Variants in NUP93 observed in about 807,000 individuals in gnomAD.
NUP93 encodes nucleoporin 93.
A neutral mutation model predicts 107.8 loss-of-function variants in NUP93; 55 were observed. The ratio of observed to expected loss-of-function variants is 0.51; its 90% CI spans 0.41 to 0.64. The LOEUF is 0.64. Among genes scored for constraint, NUP93 ranks in the 30% least tolerant of loss-of-function variants. NUP93 has a pLI of 0.00. For synonymous variants in NUP93, 390 were observed against 397.5 expected, an observed-to-expected ratio of 0.98 and a Z score of 0.22; for missense variants, 937 against 1,044.7, an observed-to-expected ratio of 0.90 and a Z score of 1.42.
intron 7 of NUP93, 37 bp downstream of exon 7, chr16:56,821,630 C>G (rs772979263): frequency 7.6e-6 from 11 of 1,445,730 alleles, no homozygotes; most frequent in East Asian, 2.3e-5. Flanking sequence ...AAACCGGGGT[C>G]CAGTGTTCCG....
Position 56,837,618 on chromosome 16 carries a change from A to G in NUP93, c.1910A>G (p.Lys637Arg). 6.2e-7 allele frequency: 1 copy of G among 1,613,700 alleles called. No homozygotes were observed. Among genetic ancestry groups the G allele is most frequent in the Non-Finnish European group, 8.5e-7 (1 of 1,179,598 alleles). Residue 637 changes from lysine (K) to arginine (R), a missense_variant, in exon 18 of 22, where the codon AAG becomes AGG. By Grantham distance (26) the Lys-to-Arg change is conservative. Transcript: ENST00000308159. Reference sequence around the variant, plus strand: ...TAAAAACTTGAGCAGAATGCTGACAAGGTACTGGAGCTGATGAACAAACTG... The same window carrying G: ...TAAAAACTTGAGCAGAATGCTGACAGGGTACTGGAGCTGATGAACAAACTG... ...KLYDLAKNAD[K>R]VLELMNKLLS...
intron 1 of NUP93, among the ~76,000 whole-genome samples, chr16:56,745,471 CTG>C (rs1961807473): frequency 6.6e-6 from 1 of 152,096 alleles, no homozygotes; most frequent in Admixed American, 6.5e-5. Context: ...ACTGAATAGA[CTG>C]TGGGAGGCAA....
At chr16:56,749,207 T>G (rs548385565) in intron 2 of NUP93, among the ~76,000 whole-genome samples, 2 of 152,206 alleles carry the variant, frequency 1.3e-5, no homozygotes, top group Non-Finnish European at 2.9e-5. Flanking sequence ...AGAAAAAAAC[T>G]ATGCTGCTTT....
Position 56,849,326 on chromosome 16 carries a change from C to T in NUP93, c.*4717C>T, listed in dbSNP as rs1447081638. ...TTGATGTACTGTGAATAATGAAGGC[C>T]GGATCTTTAAAAAGAAAAAGGGACG... On this transcript the variant is annotated 3_prime_UTR_variant, in exon 22 of 22. Transcript: ENST00000308159. 5.3e-5 allele frequency: 8 copies of T among 152,178 alleles called. No homozygotes were observed. The highest frequency in any genetic ancestry group is 1.9e-4 in the African/African-American group (8 of 41,450). The allele number at this position is 152,178 out of a possible 1,614,324, so 9.4% of individuals were successfully genotyped here.
chr16:56,824,104 C>T (rs1963607770), intron 8 of NUP93, among the ~76,000 whole-genome samples: 1 of 152,100 alleles, frequency 6.6e-6, no homozygotes, highest in African/African-American at 2.4e-5. Context: ...TTCCCTTTTT[C>T]TTTCTCCACA....
chr16:56,746,860 G>C (rs1961828423), intron 1 of NUP93, among the ~76,000 whole-genome samples: 1 of 152,124 alleles, frequency 6.6e-6, no homozygotes, highest in African/African-American at 2.4e-5. Context: ...GTTGAGTCAA[G>C]ATCACACCAC....
chr16:56,800,787 T>G (rs775043489), intron 4 of NUP93, among the ~76,000 whole-genome samples: 1 of 152,216 alleles, frequency 6.6e-6, no homozygotes, highest in Non-Finnish European at 1.5e-5. Flanking sequence ...CAGAACAACA[T>G]TATCAGAACA....
chr16:56,782,823 G>A (rs1262595448), intron 3 of NUP93, among the ~76,000 whole-genome samples: 4 of 152,158 alleles, frequency 2.6e-5, no homozygotes, highest in Non-Finnish European at 4.4e-5. Flanking sequence ...GAACTAAACA[G>A]TAACACCAAA....
chr16:56,757,717 G>A (rs1433032191), intron 2 of NUP93, among the ~76,000 whole-genome samples: 3 of 152,222 alleles, frequency 2.0e-5, no homozygotes, highest in African/African-American at 7.2e-5. Flanking sequence ...GCAGCAGAGA[G>A]GGAACCTGCA....
intron 18 of NUP93, 107 bp downstream of exon 18, chr16:56,837,833 G>A (rs1963945028): frequency 6.6e-6 from 5 of 762,210 alleles, no homozygotes; most frequent in Middle Eastern, 3.0e-4. Context: ...ACAGCAGACA[G>A]CTTTCCAAAG....
At chr16:56,750,366 G>C (rs966846432) in intron 2 of NUP93, among the ~76,000 whole-genome samples, 4 of 152,212 alleles carry the variant, frequency 2.6e-5, no homozygotes, top group African/African-American at 4.8e-5. Flanking sequence ...GGGCAGAAGA[G>C]AGAACTGAGT....
chr16:56,748,467 T>C, intron 2 of NUP93, 41 bp downstream of exon 2: 1 of 1,516,538 alleles, frequency 6.6e-7, no homozygotes, highest in African/African-American at 1.4e-5. Flanking sequence ...CTGGGTGGCT[T>C]GCGGGCAGGA....
intron 1 of NUP93, among the ~76,000 whole-genome samples, chr16:56,739,028 G>A: frequency 6.7e-6 from 1 of 149,178 alleles, no homozygotes; most frequent in Admixed American, 6.7e-5. Context: ...GCACAGGGTT[G>A]GGGGTAAGGT....
At chr16:56,741,930 A>G (rs527795853) in intron 1 of NUP93, 2 of 152,350 alleles carry the variant, frequency 1.3e-5, no homozygotes, top group East Asian at 1.9e-4. Context: ...AAGTCAGTGA[A>G]TGGAGAGAGA....
Position 56,769,682 on chromosome 16 carries a change from G to A in NUP93, c.297+11027G>A, listed in dbSNP as rs115988868. On this transcript the variant is annotated intron_variant, in intron 3 of 21. Transcript: ENST00000308159. Reference sequence around the variant, plus strand: ...TGCTTGTGAAAATAGGTTGTGTTCAGCTTCTTGCTTGATCATCTTTGTTTT... The same window carrying A: ...TGCTTGTGAAAATAGGTTGTGTTCAACTTCTTGCTTGATCATCTTTGTTTT... 7.8e-3 allele frequency among the ~76,000 whole-genome samples: 1,191 copies of A among 152,270 alleles called. 24 individuals carry two copies. The highest frequency in any genetic ancestry group is 0.027 in the African/African-American group (1,122 of 41,550).
chr16:56,839,868 G>A, intron 20 of NUP93: 1 of 441,720 alleles, frequency 2.3e-6, no homozygotes. Flanking sequence ...CAGGTTTCTG[G>A]TTGATCTGTG....
At chr16:56,789,808 A>T (rs1962714032) in intron 3 of NUP93, among the ~76,000 whole-genome samples, 1 of 152,238 alleles carries the variant, frequency 6.6e-6, no homozygotes, top group Non-Finnish European at 1.5e-5. Context: ...TGTAGAAAAC[A>T]AGCAACAGGG....
At position 56,835,427 on chromosome 16, in the gene NUP93, C is replaced by T. The variant is rs979809629; in HGVS notation, c.1782+649C>T. On this transcript the variant is annotated intron_variant, in intron 16 of 21. Coordinates refer to ENST00000308159, the MANE Select transcript of NUP93 (RefSeq NM_014669.5). ...TCTGTAGATGAGCTCACACTGCTCACACCATCTACCTCAGAAGAAAGGCAA... is the reference window on the plus strand; with the variant it reads ...TCTGTAGATGAGCTCACACTGCTCATACCATCTACCTCAGAAGAAAGGCAA... Among the ~76,000 whole-genome samples the T allele has an allele frequency of 3.9e-5, 6 of 152,274 alleles. No homozygotes were observed. In the South Asian group the frequency reaches 1.2e-3, roughly 31 times the overall value.
Position 56,834,196 on chromosome 16 carries a change from A to C in NUP93, c.1606A>C (p.Thr536Pro). 6.2e-7 allele frequency: 1 copy of C among 1,614,070 alleles called. No individual in the cohort carries two copies. Among genetic ancestry groups the C allele is most frequent in the Non-Finnish European group, 8.5e-7 (1 of 1,180,002 alleles). ...CTTCGTGCGGCTCCTCATGCTGTACACCCGGAAGTTTGAGTCCACGGACCC... is the reference window on the plus strand; with the variant it reads ...CTTCGTGCGGCTCCTCATGCTGTACCCCCGGAAGTTTGAGTCCACGGACCC... ...LNFVRLLMLYTRKFESTDPRE... is the reference protein window; with the variant it reads ...LNFVRLLMLYPRKFESTDPRE... The change falls in exon 14 of 22, where the codon ACC becomes CCC. Residue 536 changes from threonine (T) to proline (P), a missense_variant. By Grantham distance (38) the Thr-to-Pro change is conservative (BLOSUM62 -1). Transcript: ENST00000308159.
Sources: allele counts gnomAD v4.1 joint callset (sites outside exome capture counted in the v4.1 genomes callset), GRCh38; gene constraint gnomAD v4.1.1; transcripts MANE v1.5; gene names NCBI Gene and HGNC (gene_info 2026-07-23, HGNC 2026-07-21).